The following NFIB variants were observed in gnomAD, a reference collection of about 807,000 sequenced individuals.
NFIB encodes the protein nuclear factor I B, also known as nuclear factor 1 B-type.
Under a neutral mutation model 61.5 loss-of-function variants are expected in NFIB, and 11 were observed. The observed-to-expected ratio is 0.18, with a 90% CI of 0.11 to 0.30. NFIB has a LOEUF of 0.30. Among genes scored for constraint, NFIB ranks in the 10% least tolerant of loss-of-function variants. The pLI is 1.00. For synonymous variants in NFIB, 260 were observed against 216.5 expected, an observed-to-expected ratio of 1.20 and a Z score of -1.76; for missense variants, 471 against 608.9, an observed-to-expected ratio of 0.77 and a Z score of 2.38.
chr9:14,115,520 G>A (rs2037992909), intron 9 of NFIB, among the ~76,000 whole-genome samples: 1 of 152,092 alleles, frequency 6.6e-6, no homozygotes, highest in Non-Finnish European at 1.5e-5. Flanking sequence ...TACGTGTTAG[G>A]AAGGTTCACT....
intron 2 of NFIB, among the ~76,000 whole-genome samples, chr9:14,219,326 T>C (rs2051338109): frequency 6.7e-6 from 1 of 149,104 alleles, no homozygotes; most frequent in South Asian, 2.1e-4. Context: ...TTGACAAATA[T>C]TGCTATTTTA....
chr9:14,503,252 G>A, the NFIB span, among the ~76,000 whole-genome samples: 2 of 151,970 alleles, frequency 1.3e-5, no homozygotes, highest in Non-Finnish European at 2.9e-5. Flanking sequence ...CTATAAACAT[G>A]TGTGTGCAAG....
chr9:14,153,409 G>C (rs759604427), intron 4 of NFIB, among the ~76,000 whole-genome samples: 14 of 152,176 alleles, frequency 9.2e-5, no homozygotes, highest in Non-Finnish European at 1.3e-4. Context: ...CAGACGCAAA[G>C]ATCAGTGTTA....
At chr9:14,264,456 A>T (rs1415362819) in intron 2 of NFIB, among the ~76,000 whole-genome samples, 1 of 152,340 alleles carries the variant, frequency 6.6e-6, no homozygotes, top group Admixed American at 6.5e-5. Context: ...TAAAAATAGA[A>T]ACCAAAGGAA....
chr9:14,159,092 G>C (rs12004755), intron 3 of NFIB, among the ~76,000 whole-genome samples: 1 of 152,192 alleles, frequency 6.6e-6, no homozygotes, highest in East Asian at 1.9e-4. Flanking sequence ...GTGTGAGCCT[G>C]TTGGAAGCCA....
chr9:14,352,733 T>A (rs1360947475), intron 1 of NFIB, among the ~76,000 whole-genome samples: 1 of 152,216 alleles, frequency 6.6e-6, no homozygotes, highest in Non-Finnish European at 1.5e-5. Flanking sequence ...GAGGCTCCAA[T>A]AACAGACAGG....
intron 2 of NFIB, among the ~76,000 whole-genome samples, chr9:14,289,973 G>A (rs780108644): frequency 1.1e-4 from 16 of 151,864 alleles, no homozygotes; most frequent in Non-Finnish European, 1.6e-4. Flanking sequence ...AACACTCCCC[G>A]CTAGGCAACA....
chr9:14,271,602 T>A (rs1332249766), intron 2 of NFIB, among the ~76,000 whole-genome samples: 1 of 152,068 alleles, frequency 6.6e-6, no homozygotes, highest in African/African-American at 2.4e-5. Context: ...CTTCCACCTT[T>A]CAGAGACTGG....
chr9:14,457,687 C>T, the NFIB span, among the ~76,000 whole-genome samples: 10 of 151,906 alleles, frequency 6.6e-5, no homozygotes. Context: ...AAGGGGTTAT[C>T]ACCACCGATC....
chr9:14,425,491 T>A, the NFIB span, among the ~76,000 whole-genome samples: 4 of 152,016 alleles, frequency 2.6e-5, no homozygotes. Flanking sequence ...GTTGTAGAGA[T>A]CTGGGGAAAA....
rs1163336955 is a variant in NFIB at position 14,379,971 on chromosome 9, C to T, written c.108+18553G>A. 2.0e-5 allele frequency among the ~76,000 whole-genome samples: 3 copies of T among 150,974 alleles called. No homozygotes were observed. In the South Asian group the frequency reaches 6.4e-4, roughly 32 times the overall value. ...GTACTGGGATTACAGGTGTGAGCCA[C>T]CGCACCCAGTCAGATTTTTTTTTTT... On this transcript the variant is annotated intron_variant, in intron 1 of 8. Transcript: ENST00000380934.
intron 2 of NFIB, among the ~76,000 whole-genome samples, chr9:14,247,370 G>A (rs376638765): frequency 2.0e-5 from 3 of 152,276 alleles, no homozygotes; most frequent in East Asian, 3.9e-4. Flanking sequence ...CCTTCCATGC[G>A]CCATCCAATA....
intron 2 of NFIB, among the ~76,000 whole-genome samples, chr9:14,262,451 GATGTA>G (rs2056843211): frequency 6.6e-6 from 1 of 152,198 alleles, no homozygotes; most frequent in African/African-American, 2.4e-5. Flanking sequence ...AGGCAGCTAT[GATGTA>G]ATGTATCATT....
intron 1 of NFIB, among the ~76,000 whole-genome samples, chr9:14,336,620 A>T (rs2060888681): frequency 6.6e-6 from 1 of 152,218 alleles, no homozygotes; most frequent in Non-Finnish European, 1.5e-5. Flanking sequence ...TTTTCTGTAA[A>T]GGACTAGATA....
At chr9:14,311,151 G>A (rs2060260585) in intron 1 of NFIB, among the ~76,000 whole-genome samples, 1 of 151,918 alleles carries the variant, frequency 6.6e-6, no homozygotes, top group Admixed American at 6.6e-5. Flanking sequence ...TGCTGATTTT[G>A]TAGCATACTA....
At chr9:14,259,027 T>C (rs542687927) in intron 2 of NFIB, among the ~76,000 whole-genome samples, 106 of 151,792 alleles carry the variant, frequency 7.0e-4, no homozygotes, top group Non-Finnish European at 1.3e-3. Flanking sequence ...AGTGGGGGAG[T>C]GGTATAATCA....
intron 1 of NFIB, among the ~76,000 whole-genome samples, chr9:14,387,058 T>C (rs2061557753): frequency 6.6e-6 from 1 of 152,228 alleles, no homozygotes; most frequent in Non-Finnish European, 1.5e-5. Context: ...CAGCAAACTT[T>C]GGGAAATGGT....
At chr9:14,168,100 G>A (rs780674979) in intron 3 of NFIB, among the ~76,000 whole-genome samples, 4 of 152,212 alleles carry the variant, frequency 2.6e-5, no homozygotes, top group African/African-American at 4.8e-5. Context: ...GAGGATCACT[G>A]TAAGTATCTC....
chr9:14,272,376 T>C (rs921847388), intron 2 of NFIB, among the ~76,000 whole-genome samples: 1 of 152,118 alleles, frequency 6.6e-6, no homozygotes, highest in African/African-American at 2.4e-5. Context: ...AGCCATGACA[T>C]TTTTCCTTGC....
Sources: gnomAD v4.1 joint callset for allele counts (sites outside exome capture counted in the v4.1 genomes callset) on GRCh38, gnomAD v4.1.1 for gene constraint, MANE v1.5 for transcripts, NCBI Gene and HGNC (gene_info 2026-07-23, HGNC 2026-07-21) for gene names.